The following MTRR variants were observed in gnomAD, a reference collection of about 807,000 sequenced individuals.
MTRR encodes the protein 5-methyltetrahydrofolate-homocysteine methyltransferase reductase.
MTRR carries 63 observed loss-of-function variants against 79.2 expected under a neutral mutation model. The observed-to-expected ratio is 0.80, with a 90% CI of 0.65 to 0.98. The LOEUF (loss-of-function observed/expected upper bound fraction) is 0.98. Among genes scored for constraint, MTRR ranks in the 50% least tolerant of loss-of-function variants. The pLI is 0.00. For synonymous variants in MTRR, 355 were observed against 313.3 expected (o/e 1.13, Z -1.41); for missense variants, 895 against 839.6 (o/e 1.07, Z -0.82).
At chr5:7,853,262 C>T (rs1217990319) in intron 1 of MTRR, among the ~76,000 whole-genome samples, 1 of 152,162 alleles carries the variant, frequency 6.6e-6, no homozygotes, top group African/African-American at 2.4e-5. Context: ...GGCTCCTCCC[C>T]TTTTGTTCAG....
intron 9 of MTRR, among the ~76,000 whole-genome samples, chr5:7,889,830 A>G (rs1343967044): frequency 6.6e-6 from 1 of 152,094 alleles, no homozygotes; most frequent in African/African-American, 2.4e-5. Context: ...AAATCAACAT[A>G]CTCATGGTAC....
intron 2 of MTRR, among the ~76,000 whole-genome samples, chr5:7,862,477 G>A (rs546969106): frequency 6.6e-6 from 1 of 152,272 alleles, no homozygotes; most frequent in Admixed American, 6.5e-5. Flanking sequence ...GGTTATAGTA[G>A]TAGCTAACAA....
At chr5:7,879,087 T>G (rs1012246317) in intron 5 of MTRR, among the ~76,000 whole-genome samples, 7 of 152,238 alleles carry the variant, frequency 4.6e-5, no homozygotes, top group African/African-American at 1.7e-4. Context: ...TTAGCATCTT[T>G]TATAATGTCT....
intron 2 of MTRR, chr5:7,862,720 T>G: frequency 3.0e-6 from 3 of 992,490 alleles, no homozygotes; most frequent in Non-Finnish European, 3.0e-6. Context: ...GACCATTCCA[T>G]TTTGCATTTC....
At chr5:7,869,055 C>T (rs1051396574), upstream of MTRR, 2 of 1,531,682 alleles carry the variant, frequency 1.3e-6, no homozygotes, top group African/African-American at 2.7e-5. Context: ...AAACGCGGGG[C>T]GGGAGCACGA....
rs945965809 is a variant in MTRR at position 7,878,302 on chromosome 5, C to A, written c.760C>A (p.Leu254Met). 4 of 1,614,244 alleles carry A rather than the reference C, an allele frequency of 2.5e-6. No individual in the cohort carries two copies. The highest frequency in any genetic ancestry group is 3.3e-5 in the Admixed American group (2 of 60,032). ...ACCCCCAGAATATTTACAGGTACAT[C>A]TGCAGGAGTCTCTTGGCCAGGTAAG... ...GLPPEYLQVH[L>M]QESLGQEESQ... is the part of the protein sequence containing the mutation. The change falls in exon 5 of 15, where the codon CTG (leucine) becomes ATG (methionine). Residue 254 changes from leucine to methionine, a missense_variant. Leu to Met is a conservative substitution (Grantham distance 15, BLOSUM62 2). Transcript: ENST00000440940.
rs771344957 is a variant in MTRR at position 7,877,913 on chromosome 5, G to A, written c.402-31G>A. 5 of 1,608,274 alleles carry A rather than the reference G, an allele frequency of 3.1e-6. No individual in the cohort carries two copies. In the South Asian group the frequency reaches 3.3e-5, roughly 11 times the overall value. The stretch of plus-strand genomic sequence containing the variant: ...GTTCAGATGGAGAACTTAGGCATTT[G>A]TTTTGTTTTTCGTTTGTTTTTACTG... On this transcript the variant is annotated intron_variant, in intron 4 of 14. Coordinates refer to ENST00000440940, the MANE Select transcript of MTRR (RefSeq NM_002454.3).
chr5:7,874,599 T>C (rs889075363), intron 3 of MTRR, among the ~76,000 whole-genome samples: 10 of 150,640 alleles, frequency 6.6e-5, no homozygotes, highest in African/African-American at 2.4e-4. Context: ...TTTTTTTTTT[T>C]TTTTTTTTTT....
chr5:7,898,803 C>A (rs918146290), intron 14 of MTRR, among the ~76,000 whole-genome samples: 1 of 152,160 alleles, frequency 6.6e-6, no homozygotes, highest in Non-Finnish European at 1.5e-5. Flanking sequence ...TCTGACACTT[C>A]GCTTCATTCA....
intron 1 of MTRR, chr5:7,861,835 C>A: frequency 3.2e-6 from 4 of 1,261,988 alleles, no homozygotes; most frequent in Middle Eastern, 2.0e-4. Flanking sequence ...GCTTTATGAT[C>A]AATCAAGTCA....
chr5:7,866,833 T>C (rs746313705), upstream of MTRR: 18 of 1,613,930 alleles, frequency 1.1e-5, no homozygotes, highest in South Asian at 2.0e-4. Context: ...AATAATTGAG[T>C]TTCCCAAATG....
chr5:7,900,421 C>T lies in MTRR; in HGVS notation c.*363C>T. The T allele has an allele frequency of 4.1e-6, 1 of 243,014 alleles. No individual in the cohort carries two copies. Among genetic ancestry groups the T allele is most frequent in the Non-Finnish European group, 8.1e-6 (1 of 124,110 alleles). 15.1% of individuals were successfully genotyped at this position (243,014 alleles called of 1,614,324 possible). A position where few individuals can be genotyped will look rare whatever the true frequency, so the allele number is the denominator to read the frequency against. ...TGAAATAGGGAGACTGACTGAGTAGCTCATTCTTGTGACTTACAGTGCCAA... is the reference window on the plus strand; with the variant it reads ...TGAAATAGGGAGACTGACTGAGTAGTTCATTCTTGTGACTTACAGTGCCAA... On this transcript the variant is annotated 3_prime_UTR_variant, in exon 15 of 15. Transcript: ENST00000440940.
chr5:7,861,004 T>G (rs1746497677), intron 1 of MTRR: 1 of 522,006 alleles, frequency 1.9e-6, no homozygotes, highest in African/African-American at 1.9e-5. Context: ...TTTCGAGTTT[T>G]GTGCTGTCCA....
At chr5:7,870,410 C>T in intron 1 of MTRR, 1 of 308,954 alleles carries the variant, frequency 3.2e-6, no homozygotes, top group Non-Finnish European at 6.3e-6. Flanking sequence ...TGTGCCACAT[C>T]GTTTTTCAGG....
At chr5:7,867,629 T>A, upstream of MTRR, 1 of 1,614,230 alleles carries the variant, frequency 6.2e-7, no homozygotes, top group Non-Finnish European at 8.5e-7. Context: ...CTCCAGTATT[T>A]CTTTTGGCAG....
rs1406568412 is a variant in MTRR, at chr5:7,889,120, A to G, written c.1172A>G (p.Tyr391Cys). The change falls in exon 9 of 15, where the codon TAT becomes TGT. Residue 391 changes from tyrosine (Y) to cysteine (C), a missense_variant. Tyr to Cys is a radical substitution (Grantham distance 194, BLOSUM62 -2). Coordinates refer to ENST00000440940, the MANE Select transcript of MTRR (RefSeq NM_002454.3). ...GCATTTTTGCGAGCCCTTGTGGACT[A>G]TACCAGTGACAGTGCTGAAAAGCGC... ...KKAFLRALVD[Y>C]TSDSAEKRRL... is the part of the protein sequence containing the mutation. The G allele has an allele frequency of 2.5e-6, 4 of 1,613,994 alleles. No homozygotes were observed. Among genetic ancestry groups the G allele is most frequent in the South Asian group, 1.1e-5 (1 of 91,090 alleles).
At position 7,882,312 on chromosome 5, in the gene MTRR, G is replaced by T. The variant is rs376330144; in HGVS notation, c.781-843G>T. Reference sequence around the variant, plus strand: ...CCTCTGAAAGGAGGTGTGGGCAGGGGTAAGGTGTGACCTAAGAATGCTGAA... The same window carrying T: ...CCTCTGAAAGGAGGTGTGGGCAGGGTTAAGGTGTGACCTAAGAATGCTGAA... On this transcript the variant is annotated intron_variant, in intron 5 of 14. Coordinates refer to ENST00000440940, the MANE Select transcript of MTRR (RefSeq NM_002454.3). Among the ~76,000 whole-genome samples, 72 of 152,298 alleles carry T rather than the reference G, an allele frequency of 4.7e-4. No individual in the cohort carries two copies. The South Asian group carries it at 0.015, about 32-fold the overall frequency.
chr5:7,875,396 T>A lies in MTRR; in HGVS notation c.401+21T>A, dbSNP rs752689711. On this transcript the variant is annotated intron_variant, in intron 4 of 14. Coordinates refer to ENST00000440940, the MANE Select transcript of MTRR (RefSeq NM_002454.3). ...GTAGGGTAAGGGCAGTGTTCTCTGT[T>A]TACTCCAATAAGCCCTCTATACATG... 5.8e-6 allele frequency: 9 copies of A among 1,544,674 alleles called. No individual in the cohort carries two copies. In the Admixed American group the frequency reaches 1.3e-4, roughly 23 times the overall value.
At chr5:7,862,785 C>T (rs190182811) in intron 2 of MTRR, 3 of 1,549,906 alleles carry the variant, frequency 1.9e-6, no homozygotes, top group Non-Finnish European at 2.6e-6. Flanking sequence ...GAACAGGATG[C>T]TTAGGTTTAA....
Sources: allele counts gnomAD v4.1 joint callset (sites outside exome capture counted in the v4.1 genomes callset), GRCh38; gene constraint gnomAD v4.1.1; transcripts MANE v1.5; gene names NCBI Gene and HGNC (gene_info 2026-07-23, HGNC 2026-07-21).